EYA4: variants seen among roughly 807,000 people sequenced by gnomAD.
EYA4 encodes the protein EYA transcriptional coactivator and phosphatase 4.
A neutral mutation model predicts 87.9 loss-of-function variants in EYA4; 31 were observed. The ratio of observed to expected loss-of-function variants is 0.35; its 90% CI spans 0.27 to 0.48. The LOEUF (loss-of-function observed/expected upper bound fraction) is 0.48, where lower values mean the gene tolerates loss of function less well. Among genes scored for constraint, EYA4 ranks in the 20% least tolerant of loss-of-function variants. The pLI, the probability that EYA4 is intolerant of heterozygous loss-of-function variation, is 0.99. For missense variants in EYA4, 678 were observed against 761.4 expected, an observed-to-expected ratio of 0.89 and a Z score of 1.29; for synonymous variants, 263 against 270.6, an observed-to-expected ratio of 0.97 and a Z score of 0.28.
intron 11 of EYA4, among the ~76,000 whole-genome samples, chr6:133,472,359 G>A (rs1482765337): frequency 1.0e-5 from 1 of 95,412 alleles, no homozygotes; most frequent in Non-Finnish European, 2.0e-5. Flanking sequence ...GTACCCAGTA[G>A]TCATTCAGGA....
At chr6:133,352,460 C>G (rs1783711886) in intron 2 of EYA4, among the ~76,000 whole-genome samples, 1 of 152,082 alleles carries the variant, frequency 6.6e-6, no homozygotes, top group Non-Finnish European at 1.5e-5. Flanking sequence ...AGAAACTACA[C>G]AACACTTTCA....
rs1794468293 is a variant in EYA4 at position 133,462,324 on chromosome 6, C to G, written c.438-11C>G. ...TTGTTGCCACAGTAATGCTATTTTT[C>G]TGATATTTAGGCCCTATCCACACAT... On this transcript the variant is annotated splice_polypyrimidine_tract_variant and intron_variant, in intron 7 of 19. Transcript: ENST00000355286. The G allele has an allele frequency of 6.2e-7, 1 of 1,613,754 alleles. No individual in the cohort carries two copies. Among genetic ancestry groups the G allele is most frequent in the Non-Finnish European group, 8.5e-7 (1 of 1,179,760 alleles).
At chr6:133,516,736 A>AT (rs1554273928) in intron 17 of EYA4, among the ~76,000 whole-genome samples, 72 of 151,330 alleles carry the variant, frequency 4.8e-4, no homozygotes, top group Admixed American at 1.8e-3. Context: ...AAAAAAAAAA[A>AT]GTAAAGAAAA....
At chr6:133,366,977 A>G (rs544127940) in intron 2 of EYA4, among the ~76,000 whole-genome samples, 1 of 152,186 alleles carries the variant, frequency 6.6e-6, no homozygotes, top group East Asian at 1.9e-4. Context: ...GTCAAATGTC[A>G]TTTCTTGGAA....
intron 2 of EYA4, among the ~76,000 whole-genome samples, chr6:133,359,831 G>A (rs1032537023): frequency 1.3e-5 from 2 of 152,194 alleles, no homozygotes; most frequent in African/African-American, 4.8e-5. Context: ...AAAGATGACA[G>A]TACCAGGTTT....
intron 2 of EYA4, among the ~76,000 whole-genome samples, chr6:133,281,823 A>G (rs1379683400): frequency 1.3e-5 from 2 of 150,792 alleles, no homozygotes; most frequent in African/African-American, 4.9e-5. Context: ...CTCTATGTCC[A>G]TGTTTCCTCA....
intron 6 of EYA4, among the ~76,000 whole-genome samples, chr6:133,459,650 T>C (rs1224521578): frequency 6.6e-6 from 1 of 152,130 alleles, no homozygotes; most frequent in Non-Finnish European, 1.5e-5. Flanking sequence ...ACACTACTAT[T>C]ATGAAGTGCA....
chr6:133,322,420 T>G (rs1182739094), intron 2 of EYA4, among the ~76,000 whole-genome samples: 1 of 152,172 alleles, frequency 6.6e-6, no homozygotes, highest in East Asian at 1.9e-4. Flanking sequence ...ACAAGACAGC[T>G]TTTTCTATAA....
intron 3 of EYA4, among the ~76,000 whole-genome samples, chr6:133,413,030 G>T (rs1046610817): frequency 5.9e-5 from 9 of 152,110 alleles, no homozygotes; most frequent in Non-Finnish European, 1.2e-4. Flanking sequence ...AATTATGGTT[G>T]GGGGCCCAGG....
intron 2 of EYA4, among the ~76,000 whole-genome samples, chr6:133,343,155 T>C (rs1317281689): frequency 6.6e-6 from 1 of 152,148 alleles, no homozygotes; most frequent in Non-Finnish European, 1.5e-5. Context: ...GTGGGTTTCT[T>C]TACAGAAAAG....
At chr6:133,429,075 C>T (rs540261667) in intron 3 of EYA4, among the ~76,000 whole-genome samples, 54 of 151,046 alleles carry the variant, frequency 3.6e-4, no homozygotes, top group Non-Finnish European at 4.7e-4. Context: ...TACAGGTGTG[C>T]GCCACCACAC....
At chr6:133,391,227 T>TGTTTTTGTTTTTGTTTTTG (rs71003639) in intron 3 of EYA4, among the ~76,000 whole-genome samples, 43 of 145,868 alleles carry the variant, frequency 2.9e-4, no homozygotes, top group Non-Finnish European at 3.9e-4. Flanking sequence ...TTTTTGTTTT[T>TGTTTTTGTTTTTGTTTTTG]TTTTTTTTTT....
intron 3 of EYA4, among the ~76,000 whole-genome samples, chr6:133,400,493 G>A (rs970687938): frequency 9.6e-5 from 9 of 93,618 alleles, no homozygotes; most frequent in Non-Finnish European, 2.9e-4. Flanking sequence ...GGGTGACAAA[G>A]CAAGACTCTG....
intron 13 of EYA4, among the ~76,000 whole-genome samples, chr6:133,491,383 A>T (rs1457760857): frequency 6.6e-6 from 1 of 152,174 alleles, no homozygotes; most frequent in Non-Finnish European, 1.5e-5. Flanking sequence ...TTTTTTGAAA[A>T]GATAAACAAA....
intron 2 of EYA4, among the ~76,000 whole-genome samples, chr6:133,285,444 G>A (rs2128288628): frequency 1.3e-5 from 2 of 152,308 alleles, no homozygotes; most frequent in Middle Eastern, 6.8e-3. Flanking sequence ...CAGCGTTGGT[G>A]GTAGTGATGG....
chr6:133,426,981 T>C (rs1318882710), intron 3 of EYA4, among the ~76,000 whole-genome samples: 2 of 152,168 alleles, frequency 1.3e-5, no homozygotes, highest in African/African-American at 2.4e-5. Context: ...ATCTATATTT[T>C]CCCCCCTACC....
chr6:133,308,909 T>C (rs1331238093), intron 2 of EYA4, among the ~76,000 whole-genome samples: 1 of 151,882 alleles, frequency 6.6e-6, no homozygotes, highest in Non-Finnish European at 1.5e-5. Context: ...TTTAAATATG[T>C]TTAATATATA....
intron 2 of EYA4, among the ~76,000 whole-genome samples, chr6:133,334,084 T>G (rs942822356): frequency 3.3e-5 from 5 of 152,246 alleles, no homozygotes; most frequent in Non-Finnish European, 7.3e-5. Context: ...AGCCTCCTTA[T>G]AGTTCTCCAG....
At chr6:133,264,068 C>T (rs1776008569) in intron 1 of EYA4, among the ~76,000 whole-genome samples, 1 of 152,218 alleles carries the variant, frequency 6.6e-6, no homozygotes, top group African/African-American at 2.4e-5. Context: ...CTCAGCCCTG[C>T]TTGTACCCTC....
Sources: allele counts gnomAD v4.1 joint callset (sites outside exome capture counted in the v4.1 genomes callset), GRCh38; gene constraint gnomAD v4.1.1; transcripts MANE v1.5; gene names NCBI Gene and HGNC (gene_info 2026-07-23, HGNC 2026-07-21).